Variants in UBAC2 observed in about 807,000 individuals in gnomAD.
UBAC2 encodes the protein UBA domain containing 2.
Under a neutral mutation model 44.0 loss-of-function variants are expected in UBAC2, and 26 were observed. The observed-to-expected ratio is 0.59, with a 90% confidence interval of 0.43 to 0.82. UBAC2 has a LOEUF of 0.82. UBAC2 is among the 40% of genes least tolerant of loss of function. UBAC2 has a pLI of 0.00. For synonymous variants in UBAC2, 155 were observed against 154.3 expected (o/e 1.00, Z -0.04); for missense variants, 329 against 419.4 (o/e 0.78, Z 1.88).
At chr13:99,320,824 C>T (rs1273283936) in intron 6 of UBAC2, among the ~76,000 whole-genome samples, 1 of 152,200 alleles carries the variant, frequency 6.6e-6, no homozygotes, top group Non-Finnish European at 1.5e-5. Context: ...ACTATAGGAT[C>T]CAAGCCTGAG....
intron 4 of UBAC2, chr13:99,313,418 T>C (rs2044442088): frequency 6.6e-6 from 1 of 152,242 alleles, no homozygotes; most frequent in Non-Finnish European, 1.5e-5. Flanking sequence ...GACTTTTGAA[T>C]CTGTCAAGGT....
chr13:99,354,026 A>G (rs1203293846), intron 7 of UBAC2, among the ~76,000 whole-genome samples: 7 of 152,260 alleles, frequency 4.6e-5, no homozygotes, highest in African/African-American at 1.2e-4. Flanking sequence ...TGTCTAAGCA[A>G]TGGAGGTGTG....
chr13:99,217,472 G>A (rs970049102), intron 1 of UBAC2, among the ~76,000 whole-genome samples: 7 of 152,238 alleles, frequency 4.6e-5, no homozygotes, highest in African/African-American at 1.7e-4. Context: ...AGACCCTCTT[G>A]TGTGGCCTGG....
chr13:99,375,144 C>T (rs2045462987), intron 8 of UBAC2, among the ~76,000 whole-genome samples: 1 of 152,168 alleles, frequency 6.6e-6, no homozygotes, highest in South Asian at 2.1e-4. Flanking sequence ...CACAAAGGAG[C>T]TCAGCCAGCC....
intron 8 of UBAC2, among the ~76,000 whole-genome samples, chr13:99,370,662 C>A (rs1327455333): frequency 6.6e-6 from 1 of 152,188 alleles, no homozygotes; most frequent in African/African-American, 2.4e-5. Flanking sequence ...TGCCCCTGGG[C>A]AGGGATCTCA....
At chr13:99,346,897 T>G (rs1409140170) in intron 7 of UBAC2, among the ~76,000 whole-genome samples, 1 of 146,244 alleles carries the variant, frequency 6.8e-6, no homozygotes, top group Non-Finnish European at 1.5e-5. Context: ...TTAGGAACTG[T>G]GGGAATTAAT....
At chr13:99,375,579 A>C (rs553519312) in intron 8 of UBAC2, among the ~76,000 whole-genome samples, 13 of 151,800 alleles carry the variant, frequency 8.6e-5, no homozygotes, top group Admixed American at 2.0e-4. Context: ...GGAAGTAAAA[A>C]CCCAAAAAAA....
intron 4 of UBAC2, among the ~76,000 whole-genome samples, chr13:99,245,606 G>A (rs181821735): frequency 6.6e-6 from 1 of 152,304 alleles, no homozygotes; most frequent in East Asian, 1.9e-4. Flanking sequence ...CCTTTGGGAG[G>A]CCGAGGTGGG....
chr13:99,256,383 G>A (rs1409258844), intron 4 of UBAC2: 1 of 152,230 alleles, frequency 6.6e-6, no homozygotes. Flanking sequence ...TTGTGTCATG[G>A]TCAGCAGATC....
chr13:99,326,931 C>G (rs1322740640), intron 6 of UBAC2, among the ~76,000 whole-genome samples: 1 of 152,134 alleles, frequency 6.6e-6, no homozygotes, highest in African/African-American at 2.4e-5. Flanking sequence ...TTCAAAGTCC[C>G]CAGAGGCCCT....
chr13:99,228,833 C>T (rs1019652845), intron 1 of UBAC2, among the ~76,000 whole-genome samples: 1 of 152,166 alleles, frequency 6.6e-6, no homozygotes, highest in Non-Finnish European at 1.5e-5. Context: ...AGTATGCAAC[C>T]ACTTTACTAA....
chr13:99,211,995 C>A (rs950733772), intron 1 of UBAC2, among the ~76,000 whole-genome samples: 1 of 152,178 alleles, frequency 6.6e-6, no homozygotes, highest in Non-Finnish European at 1.5e-5. Context: ...TCCAGTTTAC[C>A]TTTGGTAGAC....
chr13:99,229,718 C>T (rs911480647), intron 1 of UBAC2, among the ~76,000 whole-genome samples: 1 of 152,170 alleles, frequency 6.6e-6, no homozygotes, highest in Admixed American at 6.5e-5. Context: ...TTGGATTGTT[C>T]TGTGACTTTT....
intron 4 of UBAC2, 36 bp from the exon 5 acceptor site, chr13:99,314,061 A>G: frequency 6.4e-7 from 1 of 1,559,426 alleles, no homozygotes. Flanking sequence ...TTTAAAATTC[A>G]CTATTATAGT....
At chr13:99,307,047 T>A (rs1248784696) in intron 4 of UBAC2, among the ~76,000 whole-genome samples, 1 of 152,200 alleles carries the variant, frequency 6.6e-6, no homozygotes, top group Non-Finnish European at 1.5e-5. Context: ...TAGTTTTGCT[T>A]GATACTGTCT....
At chr13:99,246,889 A>G (rs1459977915) in intron 4 of UBAC2, among the ~76,000 whole-genome samples, 1 of 152,256 alleles carries the variant, frequency 6.6e-6, no homozygotes, top group Non-Finnish European at 1.5e-5. Context: ...ACAAAACATT[A>G]TATAGTATGA....
intron 8 of UBAC2, among the ~76,000 whole-genome samples, chr13:99,371,460 G>A (rs183248660): frequency 2.0e-5 from 3 of 152,138 alleles, no homozygotes; most frequent in Admixed American, 6.5e-5. Flanking sequence ...TCTTTGCAGT[G>A]GGTACTATAG....
At chr13:99,352,240 A>G (rs943742563) in intron 7 of UBAC2, among the ~76,000 whole-genome samples, 1 of 152,182 alleles carries the variant, frequency 6.6e-6, no homozygotes, top group Non-Finnish European at 1.5e-5. Context: ...CGAAGTGTAC[A>G]GTTCGGTGGT....
chr13:99,374,831 T>C (rs1252356090), intron 8 of UBAC2, among the ~76,000 whole-genome samples: 2 of 152,212 alleles, frequency 1.3e-5, no homozygotes, highest in Non-Finnish European at 2.9e-5. Context: ...GGGCCATGTC[T>C]GCCTTGTTTG....
Sources: allele counts gnomAD v4.1 joint callset (sites outside exome capture counted in the v4.1 genomes callset), GRCh38; gene constraint gnomAD v4.1.1; transcripts MANE v1.5; gene names NCBI Gene and HGNC (gene_info 2026-07-23, HGNC 2026-07-21).